PLCXD3: variants seen among roughly 807,000 people sequenced by gnomAD.
PLCXD3 encodes the protein phosphatidylinositol specific phospholipase C X domain containing 3, also known as PI-PLC X domain-containing protein 3.
In PLCXD3, 19 loss-of-function variants were observed where a neutral mutation model predicts 25.5. The observed-to-expected ratio is 0.75, with a 90% CI of 0.52 to 1.09. The LOEUF is 1.09. Ranked by LOEUF, PLCXD3 falls within the 50% of genes least tolerant of loss-of-function variation. The pLI is 0.00. For missense variants in PLCXD3, 411 were observed against 388.1 expected, an observed-to-expected ratio of 1.06 and a Z score of -0.50; for synonymous variants, 174 against 137.6, an observed-to-expected ratio of 1.26 and a Z score of -1.85.
Position 41,471,167 on chromosome 5 carries a change from A to C in PLCXD3, c.103+39257T>G, listed in dbSNP as rs568239849. On this transcript the variant is annotated intron_variant, in intron 1 of 2. Transcript: ENST00000377801. ...GTACCCTCTGCAAGGACACCAATTT[A>C]ACAACTATCTACACAAACAAAGCAC... 1.6e-4 allele frequency among the ~76,000 whole-genome samples: 25 copies of C among 152,166 alleles called. No individual in the cohort carries two copies. The South Asian group carries it at 4.6e-3, about 28-fold the overall frequency.
intron 2 of PLCXD3, among the ~76,000 whole-genome samples, chr5:41,355,038 A>G (rs1034343698): frequency 1.3e-5 from 2 of 152,196 alleles, no homozygotes; most frequent in East Asian, 3.9e-4. Context: ...CTATGACTAA[A>G]GAAAAATCTT....
rs574562883 is a variant in PLCXD3 at position 41,494,276 on chromosome 5, C to G, written c.103+16148G>C. Among the ~76,000 whole-genome samples the G allele has an allele frequency of 2.6e-5, 4 of 152,198 alleles. No individual in the cohort carries two copies. In the East Asian group the frequency reaches 7.7e-4, roughly 29 times the overall value. ...TTATATAAGCAAATTATGTACCTAA[C>G]TTACACTTCTGAAAGATACTCTGTA... is the stretch of plus-strand genomic sequence containing the variant. On this transcript the variant is annotated intron_variant, in intron 1 of 2. Transcript: ENST00000377801.
chr5:41,404,198 C>T (rs951054867), intron 1 of PLCXD3, among the ~76,000 whole-genome samples: 25 of 151,994 alleles, frequency 1.6e-4, no homozygotes, highest in Admixed American at 7.2e-4. Flanking sequence ...GTTTAATACT[C>T]GAGGATCATC....
At chr5:41,467,448 A>G (rs942138382) in intron 1 of PLCXD3, among the ~76,000 whole-genome samples, 1 of 152,070 alleles carries the variant, frequency 6.6e-6, no homozygotes, top group Non-Finnish European at 1.5e-5. Flanking sequence ...TTTTTTGGAT[A>G]TTAACCTCTT....
At chr5:41,334,727 T>C (rs2150475741) in intron 2 of PLCXD3, among the ~76,000 whole-genome samples, 1 of 152,266 alleles carries the variant, frequency 6.6e-6, no homozygotes, top group South Asian at 2.1e-4. Context: ...AAATCCATTT[T>C]CAATTAAAAT....
At position 41,491,295 on chromosome 5, in the gene PLCXD3, G is replaced by GAGAT. The variant is rs1456093945; in HGVS notation, c.103+19125_103+19128dup. ...ATAGTTTGATTGCACTGTGGTCTGA[G>GAGAT]AGATAGTTTGTTATAATTTCTGATC... On this transcript the variant is annotated intron_variant, in intron 1 of 2. Transcript: ENST00000377801. Among the ~76,000 whole-genome samples the GAGAT allele has an allele frequency of 4.0e-4, 61 of 152,214 alleles. 1 individual carries two copies.
At chr5:41,447,419 G>C (rs937523281) in intron 1 of PLCXD3, among the ~76,000 whole-genome samples, 2 of 152,200 alleles carry the variant, frequency 1.3e-5, no homozygotes, top group Admixed American at 1.3e-4. Flanking sequence ...AGGTTTTCAT[G>C]TTATTTTCAA....
intron 2 of PLCXD3, among the ~76,000 whole-genome samples, chr5:41,325,496 T>A (rs1743600883): frequency 6.6e-6 from 1 of 152,228 alleles, no homozygotes; most frequent in Admixed American, 6.5e-5. Flanking sequence ...CTATTTGTCC[T>A]CCTCCTCCAT....
chr5:41,397,275 T>A (rs1225598638), intron 1 of PLCXD3, among the ~76,000 whole-genome samples: 1 of 152,188 alleles, frequency 6.6e-6, no homozygotes, highest in Non-Finnish European at 1.5e-5. Context: ...TATTGGGACC[T>A]GGAGCACTGC....
Position 41,333,704 on chromosome 5 carries a change from G to A in PLCXD3, c.813-19934C>T, listed in dbSNP as rs184621445. ...GAATTATCTGAAAAACAATACTCTA[G>A]CAAGCAAGTCTTGAGCTTTTAGGTG... On this transcript the variant is annotated intron_variant, in intron 2 of 2. Coordinates refer to ENST00000377801, the MANE Select transcript of PLCXD3 (RefSeq NM_001005473.3). Among the ~76,000 whole-genome samples the A allele has an allele frequency of 2.0e-3, 303 of 149,672 alleles. 1 individual carries two copies. The highest frequency in any genetic ancestry group is 3.9e-3 in the Non-Finnish European group (263 of 67,556).
chr5:41,359,654 T>C (rs996880778), intron 2 of PLCXD3, among the ~76,000 whole-genome samples: 1 of 152,210 alleles, frequency 6.6e-6, no homozygotes, highest in Non-Finnish European at 1.5e-5. Flanking sequence ...ATCAATTTCA[T>C]TTATCTTTTC....
rs538219387 is a variant in PLCXD3 at position 41,347,700 on chromosome 5, T to C, written c.813-33930A>G. 3.9e-5 allele frequency among the ~76,000 whole-genome samples: 6 copies of C among 152,266 alleles called. No individual in the cohort carries two copies. The South Asian group carries it at 1.2e-3, about 32-fold the overall frequency. ...TGGTCTTCAGTTTTACTATTTTCTC[T>C]CTAACACCTTTGTCCTGAGTTATAA... On this transcript the variant is annotated intron_variant, in intron 2 of 2. Transcript: ENST00000377801.
chr5:41,330,240 G>A (rs887554093), intron 2 of PLCXD3, among the ~76,000 whole-genome samples: 17 of 151,896 alleles, frequency 1.1e-4, no homozygotes, highest in South Asian at 2.1e-4. Context: ...TCAAATAGAC[G>A]CAATAAAAAA....
intron 1 of PLCXD3, among the ~76,000 whole-genome samples, chr5:41,394,630 T>A (rs1745939889): frequency 1.3e-5 from 2 of 152,082 alleles, no homozygotes; most frequent in Middle Eastern, 3.4e-3. Flanking sequence ...AGATATTCCA[T>A]GCCAATGGAA....
chr5:41,498,215 T>C (rs1580404140), intron 1 of PLCXD3, among the ~76,000 whole-genome samples: 1 of 151,216 alleles, frequency 6.6e-6, no homozygotes, highest in African/African-American at 2.4e-5. Context: ...AAATAGAGAA[T>C]AGAAACAGCA....
intron 1 of PLCXD3, among the ~76,000 whole-genome samples, chr5:41,508,699 A>G (rs953994522): frequency 1.3e-5 from 2 of 152,256 alleles, no homozygotes; most frequent in Non-Finnish European, 2.9e-5. Context: ...CACCTGCCAG[A>G]AGGTTTGCAT....
intron 1 of PLCXD3, among the ~76,000 whole-genome samples, chr5:41,486,130 A>G (rs1437589353): frequency 1.3e-5 from 2 of 152,134 alleles, no homozygotes; most frequent in African/African-American, 4.8e-5. Context: ...CTAGAGAGAA[A>G]AGTCTGGTGA....
chr5:41,458,090 G>C (rs1030943033), intron 1 of PLCXD3, among the ~76,000 whole-genome samples: 4 of 151,758 alleles, frequency 2.6e-5, no homozygotes, highest in Non-Finnish European at 5.9e-5. Context: ...GTTGTTACTG[G>C]AACAGTGTTT....
At position 41,382,244 on chromosome 5, in the gene PLCXD3, G is replaced by A. The variant is rs980113429; in HGVS notation, c.394C>T (p.Leu132Phe). The A allele has an allele frequency of 6.2e-7, 1 of 1,613,712 alleles. No homozygotes were observed. Among genetic ancestry groups the A allele is most frequent in the Non-Finnish European group, 8.5e-7 (1 of 1,179,772 alleles). The change falls in exon 2 of 3, where the codon CTC becomes TTC. Residue 132 changes from leucine to phenylalanine, a missense_variant. Physicochemically the swap from Leu to Phe is conservative, Grantham distance 22 (BLOSUM62 0). Transcript: ENST00000377801. ...ACTACCTCCTTATGGTGATCTGTGA[G>A]GAATGCATTGATCTCCTCAAGGCCT... ...NEGLEEINAF[L>F]TDHHKEVVFL...
Sources: gnomAD v4.1 joint callset for allele counts (sites outside exome capture counted in the v4.1 genomes callset) on GRCh38, gnomAD v4.1.1 for gene constraint, MANE v1.5 for transcripts, NCBI Gene and HGNC (gene_info 2026-07-23, HGNC 2026-07-21) for gene names.